Variants in ATL2 observed in about 807,000 individuals in gnomAD.
ATL2 encodes atlastin-2.
In ATL2, 31 loss-of-function variants were observed where a neutral mutation model predicts 73.9. That is an observed-to-expected ratio of 0.42 (90% CI 0.32 to 0.57). The LOEUF (loss-of-function observed/expected upper bound fraction) is 0.57. Among genes scored for constraint, ATL2 ranks in the 20% least tolerant of loss-of-function variants. ATL2 has a pLI of 0.14. For synonymous variants in ATL2, 291 were observed against 237.5 expected, an observed-to-expected ratio of 1.23 and a Z score of -2.07; for missense variants, 738 against 702.6, an observed-to-expected ratio of 1.05 and a Z score of -0.57.
chr2:38,340,060 T>C lies in ATL2; in HGVS notation c.363+3208A>G, dbSNP rs904321535. On this transcript the variant is annotated intron_variant, in intron 2 of 12. Coordinates refer to ENST00000378954, the MANE Select transcript of ATL2 (RefSeq NM_001135673.4). ...TGAGTACATCTCAAAGTTATAATGT[T>C]AACAAAATAAGCCAAACACATAATA... Among the ~76,000 whole-genome samples the C allele has an allele frequency of 4.0e-5, 6 of 150,440 alleles. No homozygotes were observed. In the South Asian group the frequency reaches 1.3e-3, roughly 31 times the overall value.
chr2:38,350,942 TAA>T (rs1217939849), intron 1 of ATL2, among the ~76,000 whole-genome samples: 1 of 152,090 alleles, frequency 6.6e-6, no homozygotes, highest in Non-Finnish European at 1.5e-5. Context: ...ACTAAGATAA[TAA>T]AAAAGTGCTA....
intron 4 of ATL2, among the ~76,000 whole-genome samples, chr2:38,316,377 T>C (rs1346116389): frequency 6.6e-6 from 1 of 152,212 alleles, no homozygotes; most frequent in East Asian, 1.9e-4. Flanking sequence ...GATCCTTTCA[T>C]TGTCAGGGCC....
At chr2:38,368,879 A>C (rs1279971045) in intron 1 of ATL2, among the ~76,000 whole-genome samples, 1 of 152,102 alleles carries the variant, frequency 6.6e-6, no homozygotes, top group African/African-American at 2.4e-5. Context: ...GCTTAACCCC[A>C]GGAGTTCGAG....
At chr2:38,340,229 G>C (rs181688446) in intron 2 of ATL2, among the ~76,000 whole-genome samples, 1,666 of 136,944 alleles carry the variant, frequency 0.012, 22 homozygotes, top group South Asian at 0.031. Context: ...GGGTTGTTCT[G>C]TATTTTCATC....
rs769192994 is a variant in ATL2, at chr2:38,318,762, T to C, written c.498+123A>G. ...AGAAAAGTACTTATATCTCATACAT[T>C]TGACATAATAATCCGTATGTTAAAG... is the stretch of plus-strand genomic sequence containing the variant. On this transcript the variant is annotated intron_variant, in intron 3 of 12. Coordinates refer to ENST00000378954, the MANE Select transcript of ATL2 (RefSeq NM_001135673.4). 38 of 1,331,972 alleles carry C rather than the reference T, an allele frequency of 2.9e-5. 1 individual carries two copies. The South Asian group carries it at 4.8e-4, about 17-fold the overall frequency. 82.5% of individuals were successfully genotyped at this position (1,331,972 alleles called of 1,614,324 possible).
intron 7 of ATL2, 133 bp from the exon 8 acceptor site, chr2:38,310,580 A>G (rs1667703471): frequency 1.6e-6 from 1 of 618,680 alleles, no homozygotes; most frequent in Non-Finnish European, 2.5e-6. Flanking sequence ...TTTTTTGACA[A>G]TACAAAAAAT....
intron 1 of ATL2, chr2:38,358,526 T>C (rs1444825907): frequency 3.1e-6 from 1 of 318,120 alleles, no homozygotes; most frequent in Non-Finnish European, 6.5e-6. Context: ...CCGTCTCTAT[T>C]AAAAATACAA....
chr2:38,320,206 A>G (rs1376560070), intron 2 of ATL2, among the ~76,000 whole-genome samples: 1 of 152,242 alleles, frequency 6.6e-6, no homozygotes, highest in African/African-American at 2.4e-5. Flanking sequence ...TTTTTAAACC[A>G]ACAGGAAAAT....
chr2:38,336,355 A>G (rs1364382375), intron 2 of ATL2, among the ~76,000 whole-genome samples: 1 of 152,254 alleles, frequency 6.6e-6, no homozygotes, highest in East Asian at 1.9e-4. Flanking sequence ...GAATAAAAAC[A>G]TAAAGGACAG....
At chr2:38,304,177 CAA>C (rs1667333834) in intron 9 of ATL2, among the ~76,000 whole-genome samples, 1 of 152,098 alleles carries the variant, frequency 6.6e-6, no homozygotes, top group Non-Finnish European at 1.5e-5. Flanking sequence ...AAACAACATA[CAA>C]AAGAGTTCCA....
Position 38,325,661 on chromosome 2 carries a change from T to TACAC in ATL2, c.364-6646_364-6643dup, listed in dbSNP as rs562138786. Among the ~76,000 whole-genome samples, 9 of 41,696 alleles carry TACAC rather than the reference T, an allele frequency of 2.2e-4. 1 individual carries two copies. The highest frequency in any genetic ancestry group is 3.2e-3 in the South Asian group (2 of 632). 27.4% of individuals were successfully genotyped at this position (41,696 alleles called of 152,430 possible). ...ACACACACACACACACACACACCAGTACACACACACACACACACACACACA... is the reference window on the plus strand; with the variant it reads ...ACACACACACACACACACACACCAGTACACACACACACACACACACACACACACA... On this transcript the variant is annotated intron_variant, in intron 2 of 12. Coordinates refer to ENST00000378954, the MANE Select transcript of ATL2 (RefSeq NM_001135673.4).
chr2:38,338,095 T>C (rs534877012), intron 2 of ATL2, among the ~76,000 whole-genome samples: 1 of 152,348 alleles, frequency 6.6e-6, no homozygotes, highest in African/African-American at 2.4e-5. Flanking sequence ...GAATAATCTA[T>C]TTCACTTTGA....
At position 38,298,511 on chromosome 2, in the gene ATL2, T is replaced by C; in HGVS notation, c.1265A>G (p.Lys422Arg). ...ACGAAATTGTTTTATCGCCACTTCCTTGAGATCCAAGTGTTTTCGCTCCAG... is the reference window on the plus strand; with the variant it reads ...ACGAAATTGTTTTATCGCCACTTCCCTGAGATCCAAGTGTTTTCGCTCCAG... ...SDLERKHLDLKEVAIKQFRSV... is the reference protein window; with the variant it reads ...SDLERKHLDLREVAIKQFRSV... Residue 422 changes from lysine to arginine, a missense_variant, in exon 12 of 13, where the codon AAG becomes AGG. Physicochemically the swap from Lys to Arg is conservative, Grantham distance 26. Coordinates refer to ENST00000378954, the MANE Select transcript of ATL2 (RefSeq NM_001135673.4). 6.2e-7 allele frequency: 1 copy of C among 1,614,192 alleles called. No homozygotes were observed.
At chr2:38,356,364 T>A (rs1207691923) in intron 1 of ATL2, among the ~76,000 whole-genome samples, 2 of 151,916 alleles carry the variant, frequency 1.3e-5, no homozygotes, top group African/African-American at 2.4e-5. Context: ...TTTTTTTAAA[T>A]TTTTTGTAGA....
intron 1 of ATL2, among the ~76,000 whole-genome samples, chr2:38,357,785 G>A (rs906214540): frequency 2.0e-5 from 3 of 151,558 alleles, no homozygotes; most frequent in Admixed American, 6.6e-5. Flanking sequence ...CAAGATACAT[G>A]ACAACATTCA....
intron 9 of ATL2, among the ~76,000 whole-genome samples, chr2:38,308,502 T>C (rs1667574494): frequency 6.6e-6 from 1 of 152,044 alleles, no homozygotes; most frequent in South Asian, 2.1e-4. Context: ...GGTTAATGGG[T>C]ACAAAAATAT....
chr2:38,361,554 T>C (rs373350143), intron 1 of ATL2, among the ~76,000 whole-genome samples: 4 of 152,106 alleles, frequency 2.6e-5, no homozygotes, highest in African/African-American at 9.7e-5. Context: ...AGAGAAAGGT[T>C]ATTGGGTGAA....
chr2:38,333,659 T>C (rs943613370), intron 2 of ATL2, among the ~76,000 whole-genome samples: 2 of 152,192 alleles, frequency 1.3e-5, no homozygotes, highest in Non-Finnish European at 2.9e-5. Context: ...TATGTGATGA[T>C]AGGGGTGCCA....
At position 38,298,484 on chromosome 2, in the gene ATL2, G is replaced by A. The variant is rs2148400036; in HGVS notation, c.1292C>T (p.Ser431Leu). 6.2e-7 allele frequency: 1 copy of A among 1,614,142 alleles called. No individual in the cohort carries two copies. ...CTCATCTCCACCCATCTTTTTTACT[G>A]AACGAAATTGTTTTATCGCCACTTC... The part of the protein sequence containing the change: ...LKEVAIKQFR[S>L]VKKMGGDEFC... Residue 431 changes from serine (S) to leucine (L), a missense_variant, in exon 12 of 13, where the codon TCA (serine) becomes TTA (leucine). By Grantham distance (145) the Ser-to-Leu change is moderately radical. Coordinates refer to ENST00000378954, the MANE Select transcript of ATL2 (RefSeq NM_001135673.4).
Sources: allele counts gnomAD v4.1 joint callset (sites outside exome capture counted in the v4.1 genomes callset), GRCh38; gene constraint gnomAD v4.1.1; transcripts MANE v1.5; gene names NCBI Gene and HGNC (gene_info 2026-07-23, HGNC 2026-07-21).